Variants in TAOK3 observed in about 807,000 individuals in gnomAD.
TAOK3 encodes the protein TAO kinase 3, also known as serine/threonine-protein kinase TAO3.
A neutral mutation model predicts 120.4 loss-of-function variants in TAOK3; 40 were observed. The ratio of observed to expected loss-of-function variants is 0.33; its 90% CI spans 0.26 to 0.43. The LOEUF is 0.43. Among genes scored for constraint, TAOK3 ranks in the 20% least tolerant of loss-of-function variants. The probability of loss-of-function intolerance (pLI) is 1.00; values close to 1 mark genes in which losing one functional copy is unlikely to be tolerated. For missense variants in TAOK3, 821 were observed against 1,112.1 expected (o/e 0.74, Z 3.72); for synonymous variants, 355 against 387.5 (o/e 0.92, Z 0.99).
chr12:118,181,448 C>T lies in TAOK3; in HGVS notation c.1489G>A (p.Val497Met). Reference protein sequence around the residue: ...DEHRLKLQKEVETHANNSSIE... With the variant: ...DEHRLKLQKEMETHANNSSIE... Reference sequence around the variant, plus strand: ...GACGAGTTGTTGGCATGCGTCTCCACCTCCTTCTGTAGCTTGAGGCGGTGC... The same window carrying T: ...GACGAGTTGTTGGCATGCGTCTCCATCTCCTTCTGTAGCTTGAGGCGGTGC... Residue 497 changes from valine (V) to methionine (M), a missense_variant, in exon 15 of 21, where the codon GTG (valine) becomes ATG (methionine). Around this residue, in one of 2 missense-constraint regions of TAOK3, gnomAD observed 354 missense variants for 572.1 expected, o/e 0.62. Coordinates refer to ENST00000392533, the MANE Select transcript of TAOK3 (RefSeq NM_016281.4). The T allele has an allele frequency of 6.2e-7, 1 of 1,614,194 alleles. No individual in the cohort carries two copies. The highest frequency in any genetic ancestry group is 8.5e-7 in the Non-Finnish European group (1 of 1,180,042).
At chr12:118,306,977 T>C (rs1042878335) in intron 1 of TAOK3, among the ~76,000 whole-genome samples, 1 of 152,222 alleles carries the variant, frequency 6.6e-6, no homozygotes, top group Non-Finnish European at 1.5e-5. Flanking sequence ...TTAATTTTAA[T>C]TAATTTTCAT....
At chr12:118,209,375 T>C (rs1261396617) in intron 11 of TAOK3, among the ~76,000 whole-genome samples, 4 of 152,080 alleles carry the variant, frequency 2.6e-5, no homozygotes, top group Non-Finnish European at 1.5e-5. Flanking sequence ...GGGCCTGAAA[T>C]GGGAGGGAGA....
intron 1 of TAOK3, among the ~76,000 whole-genome samples, chr12:118,361,163 C>T (rs1566175902): frequency 6.6e-6 from 1 of 152,082 alleles, no homozygotes; most frequent in African/African-American, 2.4e-5. Flanking sequence ...ATAATGCCCC[C>T]GTACTGAATT....
At chr12:118,244,801 T>A (rs903630793) in intron 4 of TAOK3, 93 bp downstream of exon 4, 7 of 866,488 alleles carry the variant, frequency 8.1e-6, no homozygotes, top group African/African-American at 1.7e-5. Flanking sequence ...GTGCTGGGAT[T>A]ACAGGCGTGA....
chr12:118,363,931 G>T (rs557683163), intron 1 of TAOK3, among the ~76,000 whole-genome samples: 11 of 152,238 alleles, frequency 7.2e-5, no homozygotes, highest in African/African-American at 2.6e-4. Flanking sequence ...AGACCAGCCT[G>T]ACCAACATGG....
At chr12:118,165,301 C>T (rs2035510235) in intron 17 of TAOK3, among the ~76,000 whole-genome samples, 1 of 152,134 alleles carries the variant, frequency 6.6e-6, no homozygotes, top group African/African-American at 2.4e-5. Context: ...AATTGAGGTC[C>T]AGGAGTCCCA....
chr12:118,342,892 C>T lies in TAOK3; in HGVS notation c.-194+29756G>A, dbSNP rs865962868. On this transcript the variant is annotated intron_variant, in intron 1 of 20. Transcript: ENST00000392533. The stretch of plus-strand genomic sequence containing the variant: ...AAGGTTACAGTGAGTGGCGATCCTG[C>T]CATTGCACTCCAGCCTGGGCCACAG... 7.0e-4 allele frequency among the ~76,000 whole-genome samples: 103 copies of T among 146,320 alleles called. 1 individual carries two copies. The highest frequency in any genetic ancestry group is 2.5e-3 in the African/African-American group (99 of 38,960).
At chr12:118,185,462 C>G (rs1191936350) in intron 14 of TAOK3, among the ~76,000 whole-genome samples, 2 of 151,942 alleles carry the variant, frequency 1.3e-5, no homozygotes, top group Non-Finnish European at 2.9e-5. Flanking sequence ...AGCCAACTTA[C>G]AAGATTAATA....
At chr12:118,260,809 C>T (rs979805839) in intron 2 of TAOK3, among the ~76,000 whole-genome samples, 1 of 152,090 alleles carries the variant, frequency 6.6e-6, no homozygotes, top group African/African-American at 2.4e-5. Flanking sequence ...GCCTCCCAAG[C>T]AGGTGGAATT....
intron 1 of TAOK3, among the ~76,000 whole-genome samples, chr12:118,280,588 G>C (rs1232949044): frequency 6.6e-6 from 1 of 152,096 alleles, no homozygotes; most frequent in Admixed American, 6.6e-5. Flanking sequence ...CGCTCTCTTG[G>C]TTACTATATC....
intron 19 of TAOK3, chr12:118,152,716 C>T (rs1004180843): frequency 7.1e-6 from 2 of 283,400 alleles, no homozygotes; most frequent in Non-Finnish European, 1.3e-5. Context: ...ACACCATCCA[C>T]TTTGTGTGTG....
chr12:118,284,024 T>A (rs2140445656), intron 1 of TAOK3, among the ~76,000 whole-genome samples: 1 of 152,134 alleles, frequency 6.6e-6, no homozygotes, highest in Non-Finnish European at 1.5e-5. Flanking sequence ...TTGCCTGGAG[T>A]AACATACAGG....
chr12:118,182,625 T>A (rs10641727), intron 14 of TAOK3, among the ~76,000 whole-genome samples: 579 of 56,944 alleles, frequency 0.01, 1 homozygote, highest in East Asian at 0.048. Context: ...ATATATATAT[T>A]TTTTTTTTTT....
intron 11 of TAOK3, among the ~76,000 whole-genome samples, chr12:118,208,338 C>T (rs1010744968): frequency 6.6e-6 from 1 of 151,968 alleles, no homozygotes; most frequent in Non-Finnish European, 1.5e-5. Context: ...AGATTTTTAC[C>T]TCACTCCTTG....
intron 1 of TAOK3, among the ~76,000 whole-genome samples, chr12:118,300,569 GCACACACATGCA>G (rs2042841307): frequency 1.3e-5 from 2 of 151,672 alleles, no homozygotes; most frequent in Admixed American, 6.6e-5. Flanking sequence ...TCACTATAGC[GCACACACATGCA>G]CGCACACACA....
intron 1 of TAOK3, among the ~76,000 whole-genome samples, chr12:118,300,688 T>C (rs1175500436): frequency 6.6e-6 from 1 of 152,144 alleles, no homozygotes; most frequent in Non-Finnish European, 1.5e-5. Context: ...TCAACAGTTG[T>C]ATGTGTCTAT....
At chr12:118,235,919 G>A in intron 7 of TAOK3, 5 of 357,088 alleles carry the variant, frequency 1.4e-5, no homozygotes, top group East Asian at 4.6e-5. Flanking sequence ...TCAGAGGGAG[G>A]GAATACAAAT....
chr12:118,213,658 A>G (rs1481457302), intron 10 of TAOK3, among the ~76,000 whole-genome samples: 1 of 152,148 alleles, frequency 6.6e-6, no homozygotes, highest in Non-Finnish European at 1.5e-5. Flanking sequence ...TAATGACATC[A>G]TAGAGGGCCC....
chr12:118,161,986 G>A lies in TAOK3; in HGVS notation c.1941C>T (p.Ala647=). The A allele has an allele frequency of 6.2e-7, 1 of 1,614,098 alleles. No homozygotes were observed. The highest frequency in any genetic ancestry group is 2.2e-5 in the East Asian group (1 of 44,882). ...TGGACTCGTCGTGCCGGATTAGCATGGCATGCTCCATCTCCTTCTGGGTCC... is the reference window on the plus strand; with the variant it reads ...TGGACTCGTCGTGCCGGATTAGCATAGCATGCTCCATCTCCTTCTGGGTCC... The part of the protein sequence containing the change: ...KKRTQKEMEH[A]MLIRHDESTR... The change falls in exon 18 of 21, where the codon GCC becomes GCT. Residue 647 remains alanine (A), a synonymous_variant. Transcript: ENST00000392533. This position sits in a 1 kb window ranked among gnomAD's most constrained non-coding sequence, Gnocchi z 4.5.
Sources: allele counts gnomAD v4.1 joint callset (sites outside exome capture counted in the v4.1 genomes callset), GRCh38; gene constraint gnomAD v4.1.1; regional missense constraint gnomAD v4.1.1; non-coding constraint Gnocchi (gnomAD v3.1); transcripts MANE v1.5; gene names NCBI Gene and HGNC (gene_info 2026-07-23, HGNC 2026-07-21).